Variants in NRXN3 observed in about 807,000 individuals in gnomAD.
NRXN3 encodes neurexin III.
In NRXN3, 32 loss-of-function variants were observed where a neutral mutation model predicts 137.6. The observed-to-expected ratio is 0.23, with a 90% CI of 0.18 to 0.31. The LOEUF is 0.31. Ranked by LOEUF, NRXN3 falls within the 10% of genes least tolerant of loss-of-function variation. The pLI is 1.00. For synonymous variants in NRXN3, 798 were observed against 784.5 expected (o/e 1.02, Z -0.29); for missense variants, 1,574 against 2,062.5 (o/e 0.76, Z 4.59).
chr14:79,126,403 C>A (rs1481652652), intron 15 of NRXN3, among the ~76,000 whole-genome samples: 2 of 150,148 alleles, frequency 1.3e-5, no homozygotes, highest in Non-Finnish European at 3.0e-5. Context: ...CAATTCCCAC[C>A]TATGAGTGAG....
Position 78,567,480 on chromosome 14 carries a change from G to A in NRXN3, c.758-77640G>A, listed in dbSNP as rs368565353. Among the ~76,000 whole-genome samples the A allele has an allele frequency of 3.6e-4, 55 of 152,160 alleles. No individual in the cohort carries two copies. The South Asian group carries it at 9.5e-3, about 26-fold the overall frequency. On this transcript the variant is annotated intron_variant, in intron 4 of 20. Transcript: ENST00000335750. Reference sequence around the variant, plus strand: ...GAGTGCAGCCCAGCCAAACAAGAGCGATGACCTCACTGACCACATGTAATT... The same window carrying A: ...GAGTGCAGCCCAGCCAAACAAGAGCAATGACCTCACTGACCACATGTAATT...
chr14:78,382,327 G>A (rs1043965741), intron 4 of NRXN3, among the ~76,000 whole-genome samples: 2 of 152,122 alleles, frequency 1.3e-5, no homozygotes, highest in African/African-American at 4.8e-5. Context: ...GTGGGCTGAT[G>A]GATAGAGATA....
chr14:78,757,147 C>T (rs983131778), intron 8 of NRXN3, among the ~76,000 whole-genome samples: 1 of 152,062 alleles, frequency 6.6e-6, no homozygotes, highest in Non-Finnish European at 1.5e-5. Context: ...GTGCCTCACG[C>T]CTTTAATCCT....
At chr14:78,635,681 C>T (rs920279252) in intron 4 of NRXN3, among the ~76,000 whole-genome samples, 1 of 152,112 alleles carries the variant, frequency 6.6e-6, no homozygotes, top group Non-Finnish European at 1.5e-5. Context: ...CCAGTATAAT[C>T]GCCTTAGTTA....
chr14:78,797,764 G>A (rs552599706), intron 8 of NRXN3, among the ~76,000 whole-genome samples: 6 of 152,160 alleles, frequency 3.9e-5, no homozygotes, highest in African/African-American at 7.2e-5. Flanking sequence ...ACAATTCCAT[G>A]TGACTGGGAT....
At chr14:78,694,280 A>T (rs1276242183) in intron 6 of NRXN3, among the ~76,000 whole-genome samples, 1 of 152,022 alleles carries the variant, frequency 6.6e-6, no homozygotes, top group African/African-American at 2.4e-5. Flanking sequence ...ACACTCAATA[A>T]ATATATGAGT....
chr14:79,582,577 C>T (rs112232922), intron 16 of NRXN3, among the ~76,000 whole-genome samples: 10,826 of 151,916 alleles, frequency 0.071, 420 homozygotes, highest in Middle Eastern at 0.13. Flanking sequence ...TGTGCCACCA[C>T]GCCCAGCAAT....
chr14:79,756,369 C>A (rs2099019557), intron 19 of NRXN3, among the ~76,000 whole-genome samples: 2 of 152,084 alleles, frequency 1.3e-5, no homozygotes, highest in African/African-American at 4.8e-5. Flanking sequence ...AAAAGTTTTT[C>A]TTTTCTAGCT....
chr14:78,394,546 G>C (rs1229442694), intron 4 of NRXN3, among the ~76,000 whole-genome samples: 1 of 151,420 alleles, frequency 6.6e-6, no homozygotes, highest in African/African-American at 2.4e-5. Context: ...TTTTTGTACC[G>C]TTTTTGTCTC....
At chr14:78,844,323 T>C (rs2099020731) in intron 10 of NRXN3, among the ~76,000 whole-genome samples, 1 of 152,142 alleles carries the variant, frequency 6.6e-6, no homozygotes, top group Admixed American at 6.6e-5. Context: ...TTTTGTCATA[T>C]AAGGTAATAG....
At chr14:79,569,044 A>G (rs138582332) in intron 16 of NRXN3, among the ~76,000 whole-genome samples, 1 of 152,154 alleles carries the variant, frequency 6.6e-6, no homozygotes, top group African/African-American at 2.4e-5. Flanking sequence ...AAAAATGGCT[A>G]TTTTCAGAAT....
At chr14:79,691,929 A>C in intron 17 of NRXN3, among the ~76,000 whole-genome samples, 1 of 152,066 alleles carries the variant, frequency 6.6e-6, no homozygotes, top group East Asian at 1.9e-4. Flanking sequence ...AAACGGCCAG[A>C]CCTCTTAAGG....
In NRXN3 at chr14:78,328,074, C is replaced by A. The variant is rs533318874; in HGVS notation, c.757+30214C>A. On this transcript the variant is annotated intron_variant, in intron 4 of 20. Coordinates refer to ENST00000335750, the MANE Select transcript of NRXN3 (RefSeq NM_001330195.2). ...ATTCAAGAAAGAGAATTCTGGGAAA[C>A]GTAGTTCAGCCTAGCCAAGTTGACA... Among the ~76,000 whole-genome samples the A allele has an allele frequency of 2.0e-5, 3 of 152,246 alleles. No homozygotes were observed. In the South Asian group the frequency reaches 6.2e-4, roughly 32 times the overall value.
chr14:78,953,040 T>C (rs781430876), intron 10 of NRXN3, among the ~76,000 whole-genome samples: 5 of 152,228 alleles, frequency 3.3e-5, no homozygotes, highest in South Asian at 4.1e-4. Flanking sequence ...ACTTGTAGTC[T>C]TGCTGCTTAT....
At chr14:79,096,505 A>G (rs2050363206) in intron 15 of NRXN3, among the ~76,000 whole-genome samples, 1 of 152,048 alleles carries the variant, frequency 6.6e-6, no homozygotes, top group African/African-American at 2.4e-5. Context: ...TCCACCACTA[A>G]TAACTATGAG....
chr14:79,728,473 C>T (rs1401875457), intron 19 of NRXN3, among the ~76,000 whole-genome samples: 17 of 152,146 alleles, frequency 1.1e-4, no homozygotes, highest in Admixed American at 5.2e-4. Flanking sequence ...AGGTCATTGG[C>T]GCTCACCACT....
intron 16 of NRXN3, among the ~76,000 whole-genome samples, chr14:79,526,235 C>T (rs927131140): frequency 3.3e-5 from 5 of 152,016 alleles, no homozygotes; most frequent in Admixed American, 1.3e-4. Context: ...TTAGTAGAGA[C>T]GGGGTTTCTT....
At chr14:79,225,169 G>A (rs541737241) in intron 15 of NRXN3, among the ~76,000 whole-genome samples, 7 of 152,298 alleles carry the variant, frequency 4.6e-5, no homozygotes, top group African/African-American at 1.7e-4. Context: ...GCAGCCGCCT[G>A]TTCCAGATGT....
At chr14:78,715,537 C>G (rs953139454) in intron 8 of NRXN3, among the ~76,000 whole-genome samples, 1 of 152,162 alleles carries the variant, frequency 6.6e-6, no homozygotes, top group African/African-American at 2.4e-5. Context: ...CAATGTTGAA[C>G]AAGACAGGTA....
Sources: allele counts gnomAD v4.1 joint callset (sites outside exome capture counted in the v4.1 genomes callset), GRCh38; gene constraint gnomAD v4.1.1; transcripts MANE v1.5; gene names NCBI Gene and HGNC (gene_info 2026-07-23, HGNC 2026-07-21).